Variants in SPRR2G observed in about 807,000 individuals in gnomAD.
SPRR2G encodes small proline-rich protein 2G.
In SPRR2G, 1 loss-of-function variant was observed where a neutral mutation model predicts 0.7. The observed-to-expected ratio is 1.49, with a 90% CI of 0.53 to 7.06. The LOEUF is 7.06. Among genes scored for constraint, SPRR2G ranks in the 30% most tolerant of loss-of-function variants. The pLI is 0.14. For missense variants in SPRR2G, 96 were observed against 88.5 expected (o/e 1.09, Z -0.34); for synonymous variants, 38 against 33.9 (o/e 1.12, Z -0.42).
At chr1:153,183,483 T>C in the SPRR2G span, among the ~76,000 whole-genome samples, 2 of 152,142 alleles carry the variant, frequency 1.3e-5, no homozygotes, top group Non-Finnish European at 2.9e-5. Context: ...TGATGAGCTT[T>C]TTTTCATGTG....
At chr1:153,160,598 C>T in the SPRR2G span, among the ~76,000 whole-genome samples, 1 of 114,620 alleles carries the variant, frequency 8.7e-6, no homozygotes, top group East Asian at 2.8e-4. Context: ...ACAACAGGTG[C>T]TGGAGAGGAT....
chr1:153,180,753 T>C, the SPRR2G span, among the ~76,000 whole-genome samples: 1 of 152,204 alleles, frequency 6.6e-6, no homozygotes, highest in Non-Finnish European at 1.5e-5. Context: ...AAGTTTCAAT[T>C]GCTCCACACT....
chr1:153,153,562 G>C (rs1435855754), upstream of SPRR2G, among the ~76,000 whole-genome samples: 5 of 152,176 alleles, frequency 3.3e-5, no homozygotes, highest in South Asian at 8.3e-4. Flanking sequence ...TTCCTGATTT[G>C]CCTAAAGATT....
the SPRR2G span, among the ~76,000 whole-genome samples, chr1:153,163,073 C>T: frequency 9.7e-3 from 1,476 of 152,288 alleles, 32 homozygotes; most frequent in African/African-American, 0.033. Context: ...ACATAGCAGA[C>T]ACCATTAAAA....
chr1:153,168,904 A>ATGTGTGTGTGTGTGTGTGTGTGTGTG, the SPRR2G span, among the ~76,000 whole-genome samples: 441 of 148,140 alleles, frequency 3.0e-3, 4 homozygotes, highest in African/African-American at 0.01. Flanking sequence ...TCATGAGTGT[A>ATGTGTGTGTGTGTGTGTGTGTGTGTG]TGTGTGTGTG....
the SPRR2G span, among the ~76,000 whole-genome samples, chr1:153,185,255 G>A: frequency 1.3e-5 from 2 of 150,660 alleles, no homozygotes; most frequent in Non-Finnish European, 3.0e-5. Flanking sequence ...TTTTTCTATT[G>A]TTTGGAATAG....
the SPRR2G span, among the ~76,000 whole-genome samples, chr1:153,180,183 A>G: frequency 6.6e-6 from 1 of 152,194 alleles, no homozygotes; most frequent in Non-Finnish European, 1.5e-5. Flanking sequence ...ACAACCATGC[A>G]ACCAATGCAC....
chr1:153,179,482 G>A, the SPRR2G span, among the ~76,000 whole-genome samples: 1 of 152,062 alleles, frequency 6.6e-6, no homozygotes, highest in Non-Finnish European at 1.5e-5. Flanking sequence ...ATATAACAAT[G>A]TCACGCCTAT....
the SPRR2G span, among the ~76,000 whole-genome samples, chr1:153,199,409 G>T: frequency 6.6e-6 from 1 of 152,216 alleles, no homozygotes; most frequent in Non-Finnish European, 1.5e-5. Context: ...GCAGGGAGAG[G>T]AGAGTCTGTG....
At chr1:153,163,535 G>A in the SPRR2G span, among the ~76,000 whole-genome samples, 2 of 152,174 alleles carry the variant, frequency 1.3e-5, no homozygotes, top group South Asian at 2.1e-4. Context: ...AATGTTAGCT[G>A]GGGAGCAGTG....
chr1:153,161,033 T>A, the SPRR2G span, among the ~76,000 whole-genome samples: 1 of 141,294 alleles, frequency 7.1e-6, no homozygotes, highest in Non-Finnish European at 1.5e-5. Flanking sequence ...TAGGTGGGAA[T>A]TGAACAACGA....
chr1:153,203,075 G>A, the SPRR2G span, among the ~76,000 whole-genome samples: 1 of 152,170 alleles, frequency 6.6e-6, no homozygotes, highest in African/African-American at 2.4e-5. Context: ...ATTCAGGGTT[G>A]CTCTCCTAGA....
At chr1:153,175,670 A>T in the SPRR2G span, among the ~76,000 whole-genome samples, 1 of 152,362 alleles carries the variant, frequency 6.6e-6, no homozygotes, top group Non-Finnish European at 1.5e-5. Flanking sequence ...TTAAGTAATT[A>T]TCAAGGTAAC....
chr1:153,168,431 G>T, the SPRR2G span, among the ~76,000 whole-genome samples: 15 of 152,144 alleles, frequency 9.9e-5, no homozygotes, highest in Non-Finnish European at 2.1e-4. Flanking sequence ...CACAGAAATT[G>T]ATTTCCCTCA....
chr1:153,167,278 C>A, the SPRR2G span, among the ~76,000 whole-genome samples: 2 of 151,676 alleles, frequency 1.3e-5, no homozygotes, highest in African/African-American at 4.8e-5. Flanking sequence ...AGTTCTCAAC[C>A]AGCCTGACCA....
the SPRR2G span, among the ~76,000 whole-genome samples, chr1:153,185,294 T>C: frequency 3.9e-3 from 601 of 152,208 alleles, 10 homozygotes; most frequent in African/African-American, 0.013. Flanking sequence ...CAGCTCCTCT[T>C]TGTACCTCTG....
At chr1:153,186,391 G>GCTTT in the SPRR2G span, among the ~76,000 whole-genome samples, 1 of 152,040 alleles carries the variant, frequency 6.6e-6, no homozygotes, top group Non-Finnish European at 1.5e-5. Context: ...TATGAATCTG[G>GCTTT]GTGCTCCTGT....
At chr1:153,166,590 C>T in the SPRR2G span, among the ~76,000 whole-genome samples, 6 of 152,084 alleles carry the variant, frequency 3.9e-5, no homozygotes, top group African/African-American at 1.4e-4. Flanking sequence ...CAGAATTGGG[C>T]CTCTGGACAG....
chr1:153,150,038 C>T lies in SPRR2G; in HGVS notation c.73G>A (p.Glu25Lys), dbSNP rs1311273262. ...GGGCACTTCGGGGGTGGACATGGCT[C>T]TGGGCACTTTGGCGTGGGGCACACA... ...PPVCPTPKCP[E>K]PCPPPKCPEP... Residue 25 changes from glutamate to lysine, a missense_variant, in exon 2 of 2, where the codon GAG (glutamate) becomes AAG (lysine). Coordinates refer to ENST00000368748, the MANE Select transcript of SPRR2G (RefSeq NM_001014291.4). 1.2e-6 allele frequency: 2 copies of T among 1,613,544 alleles called. No individual in the cohort carries two copies. Among genetic ancestry groups the T allele is most frequent in the South Asian group, 2.2e-5 (2 of 91,050 alleles).
Sources: allele counts gnomAD v4.1 joint callset (sites outside exome capture counted in the v4.1 genomes callset), GRCh38; gene constraint gnomAD v4.1.1; transcripts MANE v1.5; gene names NCBI Gene and HGNC (gene_info 2026-07-23, HGNC 2026-07-21).